The following TRIP12 variants were observed in gnomAD, a reference collection of about 807,000 sequenced individuals.
TRIP12 encodes the protein E3 ubiquitin-protein ligase TRIP12.
A neutral mutation model predicts 244.2 loss-of-function variants in TRIP12; 25 were observed. The observed-to-expected ratio is 0.10, with a 90% CI of 0.07 to 0.14. TRIP12 has a LOEUF of 0.14. Among genes scored for constraint, TRIP12 ranks in the 10% least tolerant of loss-of-function variants. TRIP12 has a pLI of 1.00. For missense variants in TRIP12, 1,677 were observed against 2,486.4 expected, an observed-to-expected ratio of 0.67 and a Z score of 6.92; for synonymous variants, 905 against 873.1, an observed-to-expected ratio of 1.04 and a Z score of -0.64.
chr2:229,898,645 CA>C (rs748500455), intron 1 of TRIP12, among the ~76,000 whole-genome samples: 8 of 152,030 alleles, frequency 5.3e-5, no homozygotes, highest in Non-Finnish European at 1.0e-4. Context: ...TGATAATACA[CA>C]GTATAAAAAA....
chr2:229,909,947 A>G (rs1027462037), intron 1 of TRIP12, among the ~76,000 whole-genome samples: 5 of 152,244 alleles, frequency 3.3e-5, no homozygotes, highest in African/African-American at 1.2e-4. Flanking sequence ...ACATGCCTTA[A>G]ATGATTGCTT....
rs770974287 is a variant in TRIP12 at position 229,859,484 on chromosome 2, C to G, written c.315G>C (p.Val105=). 1.2e-6 allele frequency: 2 copies of G among 1,614,148 alleles called. No homozygotes were observed. The highest frequency in any genetic ancestry group is 2.2e-5 in the South Asian group (2 of 91,080). Residue 105 remains valine, a synonymous_variant, in exon 4 of 42, where the codon GTG becomes GTC. Transcript: ENST00000675903. ...NTSERQKTGQ[V]PKKDNSRGVK... ...CTCCTCGAGAATTGTCTTTCTTAGG[C>G]ACCTGCCCCGTTTTTTGTCTTTCTG...
intron 1 of TRIP12, among the ~76,000 whole-genome samples, chr2:229,883,364 GACTT>G (rs2065262091): frequency 6.6e-6 from 1 of 152,158 alleles, no homozygotes; most frequent in Non-Finnish European, 1.5e-5. Flanking sequence ...ATTCTGTACT[GACTT>G]GACCAATTAC....
At chr2:229,795,946 T>C (rs114199985) in intron 25 of TRIP12, among the ~76,000 whole-genome samples, 3,362 of 152,308 alleles carry the variant, frequency 0.022, 133 homozygotes, top group African/African-American at 0.077. Context: ...ATAGTGTTAA[T>C]ACATAGGAGA....
At chr2:229,841,005 C>A in intron 4 of TRIP12, 78 bp from the exon 5 acceptor site, 2 of 1,057,808 alleles carry the variant, frequency 1.9e-6, no homozygotes, top group South Asian at 3.0e-5. Flanking sequence ...TTCTTCAGGT[C>A]ATCATGTTCA....
intron 15 of TRIP12, among the ~76,000 whole-genome samples, chr2:229,808,946 C>T (rs536365399): frequency 2.6e-5 from 4 of 152,252 alleles, no homozygotes; most frequent in South Asian, 2.1e-4. Context: ...GTGATAACCA[C>T]GCAGATGTGC....
intron 36 of TRIP12, 84 bp from the exon 37 acceptor site, chr2:229,777,563 TAA>T (rs1420849864): frequency 1.4e-5 from 19 of 1,340,580 alleles, no homozygotes; most frequent in Non-Finnish European, 2.1e-6. Context: ...GGAGATCATT[TAA>T]ATATTAATAG....
intron 1 of TRIP12, among the ~76,000 whole-genome samples, chr2:229,917,271 C>T (rs1471138740): frequency 6.6e-6 from 1 of 151,288 alleles, no homozygotes; most frequent in Non-Finnish European, 1.5e-5. Context: ...GTCCCAGCTA[C>T]TCGGGAGGCT....
chr2:229,856,333 T>C (rs1304327148), intron 4 of TRIP12, among the ~76,000 whole-genome samples: 2 of 152,214 alleles, frequency 1.3e-5, no homozygotes, highest in Admixed American at 1.3e-4. Context: ...GCAGGCTTAA[T>C]GGAATTATCT....
rs763200609 is a variant in TRIP12 at position 229,774,196 on chromosome 2, T to C, written c.5595A>G (p.Leu1865=). The C allele has an allele frequency of 1.7e-5, 28 of 1,614,066 alleles. No individual in the cohort carries two copies. The highest frequency in any genetic ancestry group is 2.2e-5 in the Non-Finnish European group (26 of 1,180,032). ...ACCCTGGCAGAGTGAAATCCAGTCCTAGATCTTCAACTGAGCAGCCATTCA... is the reference window on the plus strand; with the variant it reads ...ACCCTGGCAGAGTGAAATCCAGTCCCAGATCTTCAACTGAGCAGCCATTCA... ...LTMNGCSVED[L]GLDFTLPGFP... is the part of the protein sequence containing the mutation. The change falls in exon 38 of 42, where the codon CTA becomes CTG. Residue 1865 remains leucine, a synonymous_variant. Transcript: ENST00000675903.
At chr2:229,870,144 G>A (rs910400914) in intron 2 of TRIP12, among the ~76,000 whole-genome samples, 3 of 152,176 alleles carry the variant, frequency 2.0e-5, no homozygotes, top group African/African-American at 4.8e-5. Flanking sequence ...CCATCAAAAC[G>A]CATGGGAAGC....
intron 2 of TRIP12, among the ~76,000 whole-genome samples, chr2:229,875,032 A>G (rs890254240): frequency 2.6e-5 from 4 of 152,226 alleles, no homozygotes; most frequent in Non-Finnish European, 5.9e-5. Flanking sequence ...TATCCCTGAG[A>G]GCAAGTCAAC....
chr2:229,809,170 T>C (rs2046626327), intron 15 of TRIP12, among the ~76,000 whole-genome samples: 1 of 152,238 alleles, frequency 6.6e-6, no homozygotes, highest in African/African-American at 2.4e-5. Flanking sequence ...CATTAATGAT[T>C]TGGGCAGAGA....
At position 229,778,967 on chromosome 2, in the gene TRIP12, T is replaced by C. The variant is rs761718069; in HGVS notation, c.5118A>G (p.Thr1706=). The change falls in exon 35 of 42, where the codon ACA becomes ACG. Residue 1706 remains threonine (T), a synonymous_variant. Transcript: ENST00000675903. The surrounding 1 kb of genome is among the most constrained non-coding windows in gnomAD (Gnocchi z 4.1). ...GAGATACAAGCGCATAAAACTCCAG[T>C]GTAGGCCCAAGACCTGTACCAACCT... ...ENEVGTGLGP[T]LEFYALVSQE... is the part of the protein sequence containing the mutation. 1.2e-5 allele frequency: 19 copies of C among 1,613,738 alleles called. No homozygotes were observed. Among genetic ancestry groups the C allele is most frequent in the Admixed American group, 3.3e-5 (2 of 60,000 alleles).
intron 6 of TRIP12, among the ~76,000 whole-genome samples, chr2:229,836,161 T>C (rs2054765730): frequency 6.6e-6 from 1 of 152,214 alleles, no homozygotes; most frequent in Non-Finnish European, 1.5e-5. Context: ...AGGAAGTATA[T>C]GCCTGTATCT....
At chr2:229,883,093 AC>A (rs1192220660) in intron 1 of TRIP12, among the ~76,000 whole-genome samples, 2 of 152,198 alleles carry the variant, frequency 1.3e-5, no homozygotes, top group Non-Finnish European at 2.9e-5. Flanking sequence ...TATCAATAAA[AC>A]CAGAGGGCTG....
chr2:229,922,344 A>G, upstream of TRIP12: 1 of 626,090 alleles, frequency 1.6e-6, no homozygotes, highest in East Asian at 2.8e-5. Context: ...TGGAAATTTC[A>G]CGGATCAGGG....
rs2047007963 is a variant in TRIP12 at position 229,810,523 on chromosome 2, T to A, written c.2221+357A>T. Reference sequence around the variant, plus strand: ...AGAAAAATTGCTAGAAAATCTAACATGGGCAGAAAAAGCAACCTATATAAG... The same window carrying A: ...AGAAAAATTGCTAGAAAATCTAACAAGGGCAGAAAAAGCAACCTATATAAG... On this transcript the variant is annotated intron_variant, in intron 15 of 41. Transcript: ENST00000675903. Among the ~76,000 whole-genome samples the A allele has an allele frequency of 3.3e-5, 5 of 152,260 alleles. No homozygotes were observed. The South Asian group carries it at 1.0e-3, about 32-fold the overall frequency.
At chr2:229,891,600 T>TCAAAA (rs753721629) in intron 1 of TRIP12, among the ~76,000 whole-genome samples, 9 of 152,034 alleles carry the variant, frequency 5.9e-5, no homozygotes, top group East Asian at 1.9e-4. Flanking sequence ...AGACCCTGCG[T>TCAAAA]CAAAACAAAA....
Sources: gnomAD v4.1 joint callset for allele counts (sites outside exome capture counted in the v4.1 genomes callset) on GRCh38, gnomAD v4.1.1 for gene constraint, Gnocchi (gnomAD v3.1) non-coding constraint, MANE v1.5 for transcripts, NCBI Gene and HGNC (gene_info 2026-07-23, HGNC 2026-07-21) for gene names.